Variants in STRADB observed in about 807,000 individuals in gnomAD.
STRADB encodes STE20-related kinase adapter protein beta.
Under a neutral mutation model 52.1 loss-of-function variants are expected in STRADB, and 34 were observed. That is an observed-to-expected ratio of 0.65 (90% CI 0.50 to 0.87). The LOEUF (loss-of-function observed/expected upper bound fraction) is 0.87, where lower values mean the gene tolerates loss of function less well. STRADB is among the 40% of genes least tolerant of loss of function. The pLI is 0.00. For missense variants in STRADB, 340 were observed against 483.9 expected, an observed-to-expected ratio of 0.70 and a Z score of 2.79; for synonymous variants, 133 against 174.5, an observed-to-expected ratio of 0.76 and a Z score of 1.87.
In STRADB at chr2:201,460,456, A is replaced by C. The variant is rs192411176; in HGVS notation, c.93+1592A>C. 4.6e-5 allele frequency among the ~76,000 whole-genome samples: 7 copies of C among 152,232 alleles called. No individual in the cohort carries two copies. In the East Asian group the frequency reaches 1.3e-3, roughly 29 times the overall value. ...TATTGTTGACTGTAGTCACTCTGTC[A>C]TGTTATCAAATACTAGATCTTACTC... is the stretch of plus-strand genomic sequence containing the variant. On this transcript the variant is annotated intron_variant, in intron 3 of 11. Coordinates refer to ENST00000194530, the MANE Select transcript of STRADB (RefSeq NM_018571.6).
intron 2 of STRADB, among the ~76,000 whole-genome samples, chr2:201,455,340 C>T (rs1952111548): frequency 6.6e-6 from 1 of 152,074 alleles, no homozygotes; most frequent in African/African-American, 2.4e-5. Flanking sequence ...GATTAAGTAG[C>T]TTGAGGACTT....
chr2:201,460,994 A>G (rs1399611023), intron 3 of STRADB, among the ~76,000 whole-genome samples: 2 of 150,320 alleles, frequency 1.3e-5, no homozygotes, highest in African/African-American at 4.9e-5. Context: ...CACCAACAGC[A>G]TATGAGGATT....
intron 4 of STRADB, 189 bp from the exon 5 acceptor site, chr2:201,472,766 T>C: frequency 4.3e-6 from 2 of 463,022 alleles, no homozygotes; most frequent in Non-Finnish European, 7.4e-6. Context: ...GGATTGCCTG[T>C]TTAATCCTCT....
At position 201,454,009 on chromosome 2, in the gene STRADB, C is replaced by A. The variant is rs529546754; in HGVS notation, c.-95-737C>A. Among the ~76,000 whole-genome samples the A allele has an allele frequency of 3.2e-4, 48 of 152,256 alleles. 1 individual carries two copies. The Middle Eastern group carries it at 0.01, about 32-fold the overall frequency. On this transcript the variant is annotated intron_variant, in intron 1 of 11. Transcript: ENST00000194530. ...TTTACAAAATCTTCCCTTTCTCATCCTGCTCACATATTTGTAGATGGGTTC... is the reference window on the plus strand; with the variant it reads ...TTTACAAAATCTTCCCTTTCTCATCATGCTCACATATTTGTAGATGGGTTC...
At chr2:201,472,809 T>C (rs915585768) in intron 4 of STRADB, 146 bp from the exon 5 acceptor site, 3 of 689,492 alleles carry the variant, frequency 4.4e-6, no homozygotes. Context: ...TTGATAAGTA[T>C]TATTAATACT....
intron 9 of STRADB, 66 bp downstream of exon 9, chr2:201,478,257 C>A: frequency 1.3e-6 from 2 of 1,589,166 alleles, no homozygotes; most frequent in Non-Finnish European, 1.7e-6. Flanking sequence ...TAGATAATTT[C>A]TGTTAAACAT....
In STRADB at chr2:201,475,606, G is replaced by A; in HGVS notation, c.425-13G>A. ...TTCAATGTTCATCTAAGGATTTTAG[G>A]GGTTTCTTTCAGGTTCAGCAAGTCA... On this transcript the variant is annotated splice_polypyrimidine_tract_variant and intron_variant, in intron 6 of 11. Transcript: ENST00000194530. 6.2e-7 allele frequency: 1 copy of A among 1,611,646 alleles called. No homozygotes were observed.
chr2:201,478,164 G>A lies in STRADB; in HGVS notation c.798G>A (p.Val266=). ...ITACELASGQ[V]PFQDMHRTQM... ...CATGTGAATTAGCCAGTGGGCAGGT[G>A]CCTTTCCAGGACATGCATAGAACTC... is the stretch of plus-strand genomic sequence containing the variant. Residue 266 remains valine, a synonymous_variant, in exon 9 of 12, where the codon GTG becomes GTA. Coordinates refer to ENST00000194530, the MANE Select transcript of STRADB (RefSeq NM_018571.6). 6.2e-7 allele frequency: 1 copy of A among 1,613,502 alleles called. No individual in the cohort carries two copies. The highest frequency in any genetic ancestry group is 8.5e-7 in the Non-Finnish European group (1 of 1,179,800).
intron 2 of STRADB, among the ~76,000 whole-genome samples, chr2:201,455,457 T>G (rs574169824): frequency 5.9e-5 from 9 of 152,200 alleles, no homozygotes; most frequent in Admixed American, 1.3e-4. Context: ...CTCACACCTG[T>G]AATCCCAGCA....
chr2:201,474,610 GTTT>G, intron 5 of STRADB, 34 bp from the exon 6 acceptor site: 2 of 1,569,582 alleles, frequency 1.3e-6, no homozygotes, highest in Non-Finnish European at 1.7e-6. Flanking sequence ...AAAAACAGTT[GTTT>G]TTAAATGTCT....
intron 4 of STRADB, among the ~76,000 whole-genome samples, chr2:201,472,499 CAAAA>C (rs58586112): frequency 0.012 from 1,881 of 152,300 alleles, 56 homozygotes; most frequent in African/African-American, 0.043. Flanking sequence ...AAGCTAAACA[CAAAA>C]GAAGTTGACA....
chr2:201,459,393 A>C (rs991734271), intron 3 of STRADB, among the ~76,000 whole-genome samples: 1 of 152,220 alleles, frequency 6.6e-6, no homozygotes, highest in African/African-American at 2.4e-5. Context: ...CTCAGTTTGA[A>C]TAAAACCTTA....
At chr2:201,454,638 T>C (rs1410313909) in intron 1 of STRADB, 108 bp from the exon 2 acceptor site, 3 of 420,346 alleles carry the variant, frequency 7.1e-6, no homozygotes, top group African/African-American at 6.1e-5. Context: ...GCTGCCTAAA[T>C]ATTGGGTATC....
At chr2:201,478,290 C>T in intron 9 of STRADB, 67 bp from the exon 10 acceptor site, 2 of 1,598,744 alleles carry the variant, frequency 1.3e-6, no homozygotes, top group Non-Finnish European at 1.7e-6. Context: ...CTCTTAGGAG[C>T]TTTATTGTTG....
rs928843353 is a variant in STRADB at position 201,470,122 on chromosome 2, G to T, written c.193+70G>T. 9.0e-6 allele frequency: 11 copies of T among 1,225,978 alleles called. No homozygotes were observed. In the Admixed American group the frequency reaches 1.5e-4, roughly 17 times the overall value. 75.9% of individuals were successfully genotyped at this position (1,225,978 alleles called of 1,614,324 possible). ...AAATTGATGACAAAAAGATTATTTTGTGGGCAAGTGTTTTTCTGTTGTTAC... is the reference window on the plus strand; with the variant it reads ...AAATTGATGACAAAAAGATTATTTTTTGGGCAAGTGTTTTTCTGTTGTTAC... On this transcript the variant is annotated intron_variant, in intron 4 of 11. Transcript: ENST00000194530.
intron 3 of STRADB, among the ~76,000 whole-genome samples, chr2:201,469,566 A>G (rs1952357690): frequency 6.6e-6 from 1 of 152,218 alleles, no homozygotes; most frequent in African/African-American, 2.4e-5. Context: ...CTTGTGAAAT[A>G]TGGCTCTAGC....
intron 2 of STRADB, chr2:201,457,420 A>G (rs1041290046): frequency 6.6e-6 from 1 of 152,236 alleles, no homozygotes; most frequent in Admixed American, 6.5e-5. Context: ...TTGTACAGCT[A>G]TCTTGACATT....
intron 10 of STRADB, 70 bp from the exon 11 acceptor site, chr2:201,479,419 A>T (rs1952534237): frequency 7.0e-7 from 1 of 1,425,416 alleles, no homozygotes; most frequent in Non-Finnish European, 9.6e-7. Flanking sequence ...AATTTCTAAC[A>T]TATTTTTACA....
intron 1 of STRADB, among the ~76,000 whole-genome samples, chr2:201,452,200 TGGCCGTGCC>T (rs991620986): frequency 7.9e-5 from 12 of 151,898 alleles, no homozygotes; most frequent in Non-Finnish European, 1.3e-4. Context: ...CCTGCCGGGT[TGGCCGTGCC>T]GGCCGTGCCA....
Sources: gnomAD v4.1 joint callset for allele counts (sites outside exome capture counted in the v4.1 genomes callset) on GRCh38, gnomAD v4.1.1 for gene constraint, MANE v1.5 for transcripts, NCBI Gene and HGNC (gene_info 2026-07-23, HGNC 2026-07-21) for gene names.